Variants in ALG12 observed in about 807,000 individuals in gnomAD.
ALG12 encodes ALG12 alpha-1,6-mannosyltransferase.
In ALG12, 36 loss-of-function variants were observed where a neutral mutation model predicts 46.0. The observed-to-expected ratio is 0.78, with a 90% CI of 0.60 to 1.03. The LOEUF is 1.03. Ranked by LOEUF, ALG12 falls within the 50% of genes least tolerant of loss-of-function variation. The probability of loss-of-function intolerance (pLI) is 0.00; values close to 1 mark genes in which losing one functional copy is unlikely to be tolerated. For missense variants in ALG12, 599 were observed against 633.5 expected (o/e 0.95, Z 0.58); for synonymous variants, 326 against 291.6 (o/e 1.12, Z -1.20).
At chr22:49,878,249 G>T in the ALG12 span, among the ~76,000 whole-genome samples, 1 of 143,164 alleles carries the variant, frequency 7.0e-6, no homozygotes, top group African/African-American at 2.5e-5. Flanking sequence ...AGGTTACAGT[G>T]AGCCAACGCA....
At chr22:49,914,449 C>A (rs1345153802) in intron 1 of ALG12, among the ~76,000 whole-genome samples, 4 of 152,218 alleles carry the variant, frequency 2.6e-5, no homozygotes, top group Non-Finnish European at 5.9e-5. Context: ...GCCGGCTTTC[C>A]CAAAGGTGGC....
chr22:49,884,354 C>G, the ALG12 span: 2 of 1,613,268 alleles, frequency 1.2e-6, no homozygotes, highest in African/African-American at 1.3e-5. Context: ...TCTGTAGTTT[C>G]TTCTGAAGAA....
downstream of ALG12, among the ~76,000 whole-genome samples, chr22:49,895,791 C>T (rs1020327947): frequency 6.6e-6 from 1 of 152,064 alleles, no homozygotes; most frequent in African/African-American, 2.4e-5. Flanking sequence ...TTTCTTTAAA[C>T]AATTAAAGAA....
chr22:49,881,912 A>G, the ALG12 span, among the ~76,000 whole-genome samples: 3 of 152,258 alleles, frequency 2.0e-5, no homozygotes, highest in Admixed American at 6.5e-5. Flanking sequence ...AAGAACCTGC[A>G]TTTATTTCTG....
downstream of ALG12, among the ~76,000 whole-genome samples, chr22:49,898,750 C>A (rs1424274724): frequency 6.6e-6 from 1 of 151,918 alleles, no homozygotes; most frequent in Non-Finnish European, 1.5e-5. Context: ...ACAGTATTTT[C>A]TTTCTCTTTC....
downstream of ALG12, among the ~76,000 whole-genome samples, chr22:49,897,656 A>G (rs986861842): frequency 1.0e-3 from 136 of 134,048 alleles, no homozygotes; most frequent in African/African-American, 3.5e-3. Flanking sequence ...TCTTTTGCCC[A>G]TGTTTTCTTT....
At chr22:49,867,629 C>T in the ALG12 span, among the ~76,000 whole-genome samples, 2 of 152,290 alleles carry the variant, frequency 1.3e-5, no homozygotes, top group South Asian at 2.1e-4. Flanking sequence ...CAGCTTGGTT[C>T]TGTGGGCCGT....
the ALG12 span, chr22:49,884,152 GCA>G: frequency 6.2e-7 from 1 of 1,613,522 alleles, no homozygotes; most frequent in Non-Finnish European, 8.5e-7. Context: ...CGTGAGGCGC[GCA>G]CACCCGACCG....
chr22:49,863,271 C>T, the ALG12 span, among the ~76,000 whole-genome samples: 6 of 152,068 alleles, frequency 3.9e-5, no homozygotes, highest in African/African-American at 1.2e-4. Context: ...GTGATTTTCC[C>T]ACCTCAGCCT....
At position 49,901,750 on chromosome 22, in the gene ALG12, GCGTGGTGTATGCATGGTAA is replaced by G; in HGVS notation, c.*2069_*2087del. ...CATGGTGTGCACGTGCATTGTGCAT[GCGTGGTGTATGCATGGTAA>G]TGTGCACGTGTGCACTGTGTGTGGT... On this transcript the variant is annotated 3_prime_UTR_variant, in exon 10 of 10. Transcript: ENST00000330817. The G allele has an allele frequency of 1.2e-5, 1 of 85,104 alleles. No individual in the cohort carries two copies. Among genetic ancestry groups the G allele is most frequent in the African/African-American group, 1.3e-4 (1 of 7,578 alleles). 5.3% of individuals were successfully genotyped at this position (85,104 alleles called of 1,614,324 possible).
At chr22:49,884,075 A>G in the ALG12 span, 1 of 1,610,586 alleles carries the variant, frequency 6.2e-7, no homozygotes, top group South Asian at 1.1e-5. Context: ...ATATGCATGT[A>G]CTGTGTGAAG....
chr22:49,906,627 G>C lies in ALG12; in HGVS notation c.992+1094C>G, dbSNP rs2060543427. 6.6e-6 allele frequency among the ~76,000 whole-genome samples: 1 copy of C among 152,226 alleles called. No homozygotes were observed. ...CTGAGATCAGGGACCGCATTGTGGG[G>C]CTTCCTCTCCAGCCAGAGTGGGCAC... On this transcript the variant is annotated intron_variant, in intron 7 of 9. Coordinates refer to ENST00000330817, the MANE Select transcript of ALG12 (RefSeq NM_024105.4). The surrounding 1 kb of genome is among the most constrained non-coding windows in gnomAD (Gnocchi z 4.4).
chr22:49,878,283 CAGAGTG>C, the ALG12 span, among the ~76,000 whole-genome samples: 5 of 125,474 alleles, frequency 4.0e-5, no homozygotes, highest in Non-Finnish European at 8.0e-5. Flanking sequence ...ACCTGGGTGA[CAGAGTG>C]AGACACTGTC....
chr22:49,895,433 C>T (rs566843871), downstream of ALG12, among the ~76,000 whole-genome samples: 48 of 152,170 alleles, frequency 3.2e-4, 1 homozygote, highest in South Asian at 1.0e-2. Flanking sequence ...GGGTGGATCA[C>T]CTGAGGTCAG....
At chr22:49,917,135 A>AC (rs1478333517) in intron 1 of ALG12, among the ~76,000 whole-genome samples, 9 of 151,944 alleles carry the variant, frequency 5.9e-5, no homozygotes, top group African/African-American at 1.9e-4. Flanking sequence ...ACCACGACGA[A>AC]CCCCCCACCA....
rs1031457024 is a variant in ALG12 at position 49,904,622 on chromosome 22, G to C, written c.993-116C>G. On this transcript the variant is annotated intron_variant, in intron 7 of 9. Coordinates refer to ENST00000330817, the MANE Select transcript of ALG12 (RefSeq NM_024105.4). ...TTCAACTTCACCAAGTCATAACAAAGAGTTCACCACCAAATAAAACAGAGT... is the reference window on the plus strand; with the variant it reads ...TTCAACTTCACCAAGTCATAACAAACAGTTCACCACCAAATAAAACAGAGT... 25 of 1,188,420 alleles carry C rather than the reference G, an allele frequency of 2.1e-5. No homozygotes were observed. In the African/African-American group the frequency reaches 3.6e-4, roughly 17 times the overall value. The allele number at this position is 1,188,420 out of a possible 1,614,324, so 73.6% of individuals were successfully genotyped here.
intron 6 of ALG12, 40 bp from the exon 7 acceptor site, chr22:49,907,984 A>T: frequency 6.3e-7 from 1 of 1,593,164 alleles, no homozygotes; most frequent in Non-Finnish European, 8.6e-7. Flanking sequence ...CTGTCCACGC[A>T]TGAGCCCGTG....
chr22:49,904,359 G>A lies in ALG12; in HGVS notation c.1140C>T (p.His380=), dbSNP rs771986772. 1.2e-6 allele frequency: 2 copies of A among 1,614,226 alleles called. No individual in the cohort carries two copies. Among genetic ancestry groups the A allele is most frequent in the Non-Finnish European group, 1.7e-6 (2 of 1,180,044 alleles). The change falls in exon 8 of 10, where the codon CAC becomes CAT. Residue 380 remains histidine, a synonymous_variant. Coordinates refer to ENST00000330817, the MANE Select transcript of ALG12 (RefSeq NM_024105.4). Reference sequence around the variant, plus strand: ...CACCTGTCTGGGGGGGCACCAGCTGGTGCAGCCTCTGCATTGCGACGCCAC... The same window carrying A: ...CACCTGTCTGGGGGGGCACCAGCTGATGCAGCCTCTGCATTGCGACGCCAC... The part of the protein sequence containing the change: ...YPGGVAMQRL[H]QLVPPQTDVL...
At chr22:49,881,202 A>G in the ALG12 span, among the ~76,000 whole-genome samples, 1 of 152,108 alleles carries the variant, frequency 6.6e-6, no homozygotes, top group Non-Finnish European at 1.5e-5. Context: ...AAAAGGAATT[A>G]GCCGGGTGTC....
Sources: allele counts gnomAD v4.1 joint callset (sites outside exome capture counted in the v4.1 genomes callset), GRCh38; gene constraint gnomAD v4.1.1; non-coding constraint Gnocchi (gnomAD v3.1); transcripts MANE v1.5; gene names NCBI Gene and HGNC (gene_info 2026-07-23, HGNC 2026-07-21).